The following SPG11 variants were observed in gnomAD, a reference collection of about 807,000 sequenced individuals.
SPG11 encodes the protein SPG11 vesicle trafficking associated, spatacsin.
In SPG11, 222 loss-of-function variants were observed where a neutral mutation model predicts 274.0. The ratio of observed to expected loss-of-function variants is 0.81; its 90% CI spans 0.73 to 0.91. The LOEUF is 0.91. SPG11 is among the 40% of genes least tolerant of loss of function. SPG11 has a pLI of 0.00. For missense variants in SPG11, 3,114 were observed against 2,872.7 expected (o/e 1.08, Z -1.92); for synonymous variants, 1,144 against 1,039.7 (o/e 1.10, Z -1.93).
chr15:44,624,228 C>T (rs1177482822), intron 11 of SPG11, among the ~76,000 whole-genome samples: 3 of 151,594 alleles, frequency 2.0e-5, no homozygotes, highest in Non-Finnish European at 4.4e-5. Context: ...TGGCTCATGC[C>T]TATAATCTCT....
At position 44,615,477 on chromosome 15, in the gene SPG11, A is replaced by G. The variant is rs758207568; in HGVS notation, c.2924T>C (p.Leu975Pro). Residue 975 changes from leucine to proline, a missense_variant, in exon 16 of 40, where the codon CTC becomes CCC. Transcript: ENST00000261866. ...TTTGGTCTTGTAGTTTTGAACAGGGAGGGTATCCTGTATTACACCTCCAAT... is the reference window on the plus strand; with the variant it reads ...TTTGGTCTTGTAGTTTTGAACAGGGGGGGTATCCTGTATTACACCTCCAAT... Reference protein sequence around the residue: ...SRIGGVIQDTLPVQNYKTKEG... With the variant: ...SRIGGVIQDTPPVQNYKTKEG... 3.7e-6 allele frequency: 6 copies of G among 1,614,066 alleles called. No individual in the cohort carries two copies. The highest frequency in any genetic ancestry group is 2.2e-5 in the East Asian group (1 of 44,862).
chr15:44,598,406 A>C (rs1414101337), intron 22 of SPG11, 33 bp from the exon 23 acceptor site: 1 of 1,587,806 alleles, frequency 6.3e-7, no homozygotes, highest in South Asian at 1.1e-5. Flanking sequence ...AATATGGTGA[A>C]GAGAAAAAGT....
At chr15:44,656,960 T>C in intron 4 of SPG11, 135 bp downstream of exon 4, 1 of 724,182 alleles carries the variant, frequency 1.4e-6, no homozygotes. Context: ...TACTTTACAA[T>C]GTATTAGCTA....
intron 13 of SPG11, 50 bp downstream of exon 13, chr15:44,622,170 T>C: frequency 6.4e-7 from 1 of 1,573,816 alleles, no homozygotes; most frequent in Non-Finnish European, 8.7e-7. Context: ...ATAAATGAAA[T>C]ACTATCTAAC....
rs1255402635 is a variant in SPG11, at chr15:44,583,904, C to G, written c.5776G>C (p.Asp1926His). 2 of 1,614,080 alleles carry G rather than the reference C, an allele frequency of 1.2e-6. No homozygotes were observed. The highest frequency in any genetic ancestry group is 2.7e-5 in the African/African-American group (2 of 74,912). ...AGAGCATGGATCTCTGGGTGCAGATCCTCCATACTAGCTTCCCCTGAGGCC... is the reference window on the plus strand; with the variant it reads ...AGAGCATGGATCTCTGGGTGCAGATGCTCCATACTAGCTTCCCCTGAGGCC... ...ALASGEASME[D>H]LHPEIHALLQ... Residue 1926 changes from aspartate to histidine, a missense_variant, in exon 30 of 40, where the codon GAT becomes CAT. Physicochemically the swap from Asp to His is moderately conservative, Grantham distance 81. Transcript: ENST00000261866.
At chr15:44,586,691 C>T (rs2082772761) in intron 28 of SPG11, among the ~76,000 whole-genome samples, 1 of 152,088 alleles carries the variant, frequency 6.6e-6, no homozygotes. Context: ...ACTCAATCTA[C>T]ACATCTGGCT....
intron 4 of SPG11, among the ~76,000 whole-genome samples, chr15:44,654,658 G>A (rs555499570): frequency 6.6e-6 from 1 of 152,150 alleles, no homozygotes; most frequent in East Asian, 1.9e-4. Flanking sequence ...TGGCCAACAC[G>A]GTGAAACCCC....
At position 44,622,775 on chromosome 15, in the gene SPG11, G is replaced by A. The variant is rs1413352619; in HGVS notation, c.2269C>T (p.Leu757Phe). The A allele has an allele frequency of 1.9e-6, 3 of 1,613,688 alleles. No homozygotes were observed. The highest frequency in any genetic ancestry group is 2.5e-6 in the Non-Finnish European group (3 of 1,179,810). The change falls in exon 12 of 40, where the codon CTC becomes TTC. Residue 757 changes from leucine to phenylalanine, a missense_variant. Physicochemically the swap from Leu to Phe is conservative, Grantham distance 22. Coordinates refer to ENST00000261866, the MANE Select transcript of SPG11 (RefSeq NM_025137.4). ...TTAGTTGTATAGAAGCAGATCTTGA[G>A]CAATTGGCCTTTTACATCAAACCCC... ...NMGFDVKGQL[L>F]KICFYTTNKN...
At chr15:44,569,184 A>AG (rs1491134861) in intron 35 of SPG11, among the ~76,000 whole-genome samples, 13 of 149,728 alleles carry the variant, frequency 8.7e-5, no homozygotes, top group Admixed American at 7.9e-4. Flanking sequence ...AAAAAGAAAA[A>AG]GAAAAAAAAA....
Position 44,636,519 on chromosome 15 carries a change from G to A in SPG11, c.1603-2882C>T, listed in dbSNP as rs138469090. Among the ~76,000 whole-genome samples, 1,300 of 151,868 alleles carry A rather than the reference G, an allele frequency of 8.6e-3. 21 individuals carry two copies. Among genetic ancestry groups the A allele is most frequent in the African/African-American group, 0.029 (1,201 of 41,404 alleles). On this transcript the variant is annotated intron_variant, in intron 7 of 39. Transcript: ENST00000261866. ...TACTAAAAAATACAAAAAATTAGCCGGGCGTGGTGGCGGGCGCCTATAATC... is the reference window on the plus strand; with the variant it reads ...TACTAAAAAATACAAAAAATTAGCCAGGCGTGGTGGCGGGCGCCTATAATC...
intron 15 of SPG11, 26 bp from the exon 16 acceptor site, chr15:44,615,592 A>T: frequency 6.2e-7 from 1 of 1,608,126 alleles, no homozygotes; most frequent in Non-Finnish European, 8.5e-7. Context: ...TAGGATGTCA[A>T]GTTAAAAAGT....
chr15:44,625,270 T>C (rs2083866011), intron 11 of SPG11, among the ~76,000 whole-genome samples: 1 of 152,134 alleles, frequency 6.6e-6, no homozygotes, highest in African/African-American at 2.4e-5. Context: ...CTAGAACTCC[T>C]GGAGATCCTC....
chr15:44,564,979 C>G (rs1384566516), intron 38 of SPG11, among the ~76,000 whole-genome samples: 1 of 152,306 alleles, frequency 6.6e-6, no homozygotes, highest in South Asian at 2.1e-4. Context: ...GCTCAAGATC[C>G]TCCCGCCTCA....
At chr15:44,601,567 T>C (rs2083190522) in intron 20 of SPG11, among the ~76,000 whole-genome samples, 1 of 151,554 alleles carries the variant, frequency 6.6e-6, no homozygotes. Flanking sequence ...CTTTTTTTTT[T>C]TTTTTTTTTA....
chr15:44,567,349 CAAAA>C (rs397853802), intron 36 of SPG11, 71 bp downstream of exon 36: 2,779 of 1,173,548 alleles, frequency 2.4e-3, no homozygotes, highest in Non-Finnish European at 2.5e-3. Context: ...GACTCTGTCT[CAAAA>C]AAAAAAAAAA....
intron 11 of SPG11, among the ~76,000 whole-genome samples, chr15:44,624,949 A>G (rs928416251): frequency 6.6e-6 from 1 of 152,106 alleles, no homozygotes; most frequent in African/African-American, 2.4e-5. Context: ...AGCCTGACCA[A>G]CATGGAGAAA....
intron 20 of SPG11, among the ~76,000 whole-genome samples, chr15:44,603,180 G>A (rs542005030): frequency 6.6e-6 from 1 of 151,418 alleles, no homozygotes; most frequent in East Asian, 1.9e-4. Context: ...TCAGCCTCCT[G>A]TAGCACTGTA....
Position 44,626,350 on chromosome 15 carries a change from G to T in SPG11, c.2225C>A (p.Ser742Tyr). 1 of 1,612,464 alleles carries T rather than the reference G, an allele frequency of 6.2e-7. No homozygotes were observed. Among genetic ancestry groups the T allele is most frequent in the Non-Finnish European group, 8.5e-7 (1 of 1,179,706 alleles). Residue 742 changes from serine (S) to tyrosine (Y), a missense_variant, in exon 11 of 40, where the codon TCT (serine) becomes TAT (tyrosine). By Grantham distance (144) the Ser-to-Tyr change is moderately radical. Transcript: ENST00000261866. The stretch of plus-strand genomic sequence containing the variant: ...ACTCACCATATTCTTCAAAAGTTCA[G>T]AGGCTTCCTTTATATTGTTCTTTTT... ...NLKKNNIKEA[S>Y]ELLKNMGFDV...
At chr15:44,609,674 A>G (rs1230536503) in intron 18 of SPG11, among the ~76,000 whole-genome samples, 1 of 152,090 alleles carries the variant, frequency 6.6e-6, no homozygotes, top group African/African-American at 2.4e-5. Flanking sequence ...TTGGAAAACA[A>G]ACTAAAGGGA....
Sources: gnomAD v4.1 joint callset for allele counts (sites outside exome capture counted in the v4.1 genomes callset) on GRCh38, gnomAD v4.1.1 for gene constraint, MANE v1.5 for transcripts, NCBI Gene and HGNC (gene_info 2026-07-23, HGNC 2026-07-21) for gene names.